Variants in RBFOX1 observed in about 807,000 individuals in gnomAD.
The protein encoded by RBFOX1 is RNA binding protein fox-1 homolog 1.
Under a neutral mutation model 57.7 loss-of-function variants are expected in RBFOX1, and 8 were observed. The observed-to-expected ratio is 0.14, with a 90% confidence interval of 0.08 to 0.25. The LOEUF (loss-of-function observed/expected upper bound fraction) is 0.25. Among genes scored for constraint, RBFOX1 ranks in the 10% least tolerant of loss-of-function variants. RBFOX1 has a pLI of 1.00. For synonymous variants in RBFOX1, 326 were observed against 222.4 expected (o/e 1.47, Z -4.15); for missense variants, 611 against 548.5 (o/e 1.11, Z -1.14).
chr16:5,802,386 G>C (rs1311894032), intron 3 of RBFOX1, among the ~76,000 whole-genome samples: 1 of 152,104 alleles, frequency 6.6e-6, no homozygotes, highest in East Asian at 1.9e-4. Flanking sequence ...AGGATGGCTG[G>C]ACTGTAAAAC....
chr16:5,641,138 C>T (rs1178613228), intron 3 of RBFOX1, among the ~76,000 whole-genome samples: 1 of 150,908 alleles, frequency 6.6e-6, no homozygotes, highest in African/African-American at 2.4e-5. Flanking sequence ...ACATGCACAC[C>T]ATGAATACAC....
chr16:6,713,882 A>C (rs954510876), intron 3 of RBFOX1, among the ~76,000 whole-genome samples: 1 of 152,190 alleles, frequency 6.6e-6, no homozygotes, highest in Admixed American at 6.5e-5. Context: ...TAGCATGTGG[A>C]GAATTTGGAC....
intron 2 of RBFOX1, among the ~76,000 whole-genome samples, chr16:5,529,008 G>A (rs1391055515): frequency 6.6e-6 from 1 of 151,944 alleles, no homozygotes; most frequent in Admixed American, 6.6e-5. Context: ...TGCATGCAGT[G>A]GAGTAACCAC....
chr16:5,756,533 A>G (rs2053403363), intron 3 of RBFOX1, among the ~76,000 whole-genome samples: 1 of 152,150 alleles, frequency 6.6e-6, no homozygotes, highest in South Asian at 2.1e-4. Flanking sequence ...TCCAGGGGCC[A>G]ATAATAAAGA....
intron 4 of RBFOX1, among the ~76,000 whole-genome samples, chr16:5,950,476 T>C (rs1478267442): frequency 6.6e-6 from 1 of 152,234 alleles, no homozygotes; most frequent in Non-Finnish European, 1.5e-5. Context: ...TTTCATTATC[T>C]GGTATTCTGA....
chr16:6,389,171 A>T (rs2092463413), intron 2 of RBFOX1, among the ~76,000 whole-genome samples: 1 of 152,180 alleles, frequency 6.6e-6, no homozygotes, highest in African/African-American at 2.4e-5. Context: ...CAGATGATGC[A>T]TGCTGCAGGG....
chr16:5,717,266 G>C (rs920129683), intron 3 of RBFOX1, among the ~76,000 whole-genome samples: 1 of 152,010 alleles, frequency 6.6e-6, no homozygotes, highest in South Asian at 2.1e-4. Context: ...GTTGTTTCCT[G>C]TGAATTTATC....
intron 1 of RBFOX1, among the ~76,000 whole-genome samples, chr16:6,292,037 C>T (rs1222331926): frequency 6.6e-6 from 1 of 151,932 alleles, no homozygotes; most frequent in African/African-American, 2.4e-5. Flanking sequence ...GCTTTATGTC[C>T]ACTGTCAGTG....
chr16:7,481,999 T>C (rs1255531620), intron 4 of RBFOX1, among the ~76,000 whole-genome samples: 2 of 152,244 alleles, frequency 1.3e-5, no homozygotes, highest in Non-Finnish European at 2.9e-5. Flanking sequence ...TGATTTCACT[T>C]TCACACCATT....
chr16:7,025,102 A>T (rs188479819), intron 3 of RBFOX1, among the ~76,000 whole-genome samples: 1 of 152,268 alleles, frequency 6.6e-6, no homozygotes, highest in Non-Finnish European at 1.5e-5. Context: ...GTTTATTAAG[A>T]ATGTAGAGGA....
intron 3 of RBFOX1, among the ~76,000 whole-genome samples, chr16:5,687,581 G>A (rs1054452131): frequency 2.6e-5 from 4 of 152,166 alleles, no homozygotes; most frequent in African/African-American, 9.7e-5. Flanking sequence ...TTCAGACTAA[G>A]TCTTTGGCCT....
intron 4 of RBFOX1, among the ~76,000 whole-genome samples, chr16:5,869,674 A>T (rs1425891291): frequency 6.6e-6 from 1 of 152,148 alleles, no homozygotes; most frequent in East Asian, 1.9e-4. Context: ...AAGTGATGGG[A>T]TTACAGGCAT....
chr16:6,164,786 A>G (rs2096904888), intron 1 of RBFOX1, among the ~76,000 whole-genome samples: 1 of 152,092 alleles, frequency 6.6e-6, no homozygotes, highest in African/African-American at 2.4e-5. Flanking sequence ...AAATATTTTA[A>G]TTGCCTGTAA....
chr16:5,908,527 A>G (rs915782446), intron 4 of RBFOX1, among the ~76,000 whole-genome samples: 1 of 151,662 alleles, frequency 6.6e-6, no homozygotes, highest in African/African-American at 2.4e-5. Flanking sequence ...TATTTTTTGT[A>G]TTTTTAGTAG....
At chr16:5,509,885 G>A (rs138721675) in intron 2 of RBFOX1, among the ~76,000 whole-genome samples, 8 of 152,312 alleles carry the variant, frequency 5.3e-5, no homozygotes, top group African/African-American at 1.9e-4. Context: ...CCTTGGCGCA[G>A]ACGAGTGGAG....
chr16:6,094,693 C>T (rs116291700), intron 1 of RBFOX1, among the ~76,000 whole-genome samples: 275 of 152,288 alleles, frequency 1.8e-3, no homozygotes, highest in African/African-American at 6.5e-3. Flanking sequence ...TCCTATGACT[C>T]AGTTTCCTCA....
intron 1 of RBFOX1, among the ~76,000 whole-genome samples, chr16:6,107,264 G>T (rs1213850926): frequency 6.6e-6 from 1 of 151,994 alleles, no homozygotes; most frequent in Non-Finnish European, 1.5e-5. Context: ...TCTATAGTAG[G>T]TCTGCTAGGA....
chr16:5,401,013 AG>A (rs1478040844), intron 1 of RBFOX1, among the ~76,000 whole-genome samples: 1 of 152,128 alleles, frequency 6.6e-6, no homozygotes, highest in Non-Finnish European at 1.5e-5. Flanking sequence ...GATATTTTCC[AG>A]GGTTGTCATT....
intron 4 of RBFOX1, among the ~76,000 whole-genome samples, chr16:7,427,859 TC>T (rs370375026): frequency 5.1e-4 from 78 of 152,180 alleles, no homozygotes; most frequent in African/African-American, 1.6e-3. Context: ...TGAACATGTT[TC>T]CCAGCTTGGT....
Sources: gnomAD v4.1 joint callset for allele counts (sites outside exome capture counted in the v4.1 genomes callset) on GRCh38, gnomAD v4.1.1 for gene constraint, MANE v1.5 for transcripts, NCBI Gene and HGNC (gene_info 2026-07-23, HGNC 2026-07-21) for gene names.